The following IGF2BP2 variants were observed in gnomAD, a reference collection of about 807,000 sequenced individuals.
IGF2BP2 encodes insulin-like growth factor 2 mRNA-binding protein 2.
In IGF2BP2, 17 loss-of-function variants were observed where a neutral mutation model predicts 75.8. The observed-to-expected ratio is 0.22, with a 90% CI of 0.15 to 0.34. The LOEUF (loss-of-function observed/expected upper bound fraction) is 0.34, where lower values mean the gene tolerates loss of function less well. Among genes scored for constraint, IGF2BP2 ranks in the 10% least tolerant of loss-of-function variants. The pLI, the probability that IGF2BP2 is intolerant of heterozygous loss-of-function variation, is 1.00. For missense variants in IGF2BP2, 516 were observed against 772.4 expected (o/e 0.67, Z 3.93); for synonymous variants, 288 against 295.6 (o/e 0.97, Z 0.26).
At position 185,660,258 on chromosome 3, in the gene IGF2BP2, C is replaced by A. The variant is rs16860172; in HGVS notation, c.1201-1849G>T. ...CCACAGGCCCACCCTGCAAGATAGT[C>A]CTCCAGGAAGACGATTCCAACAGTG... On this transcript the variant is annotated intron_variant, in intron 10 of 15. Transcript: ENST00000382199. Among the ~76,000 whole-genome samples the A allele has an allele frequency of 3.8e-3, 578 of 152,290 alleles. 2 individuals are homozygous for A. Among genetic ancestry groups the A allele is most frequent in the African/African-American group, 0.013 (551 of 41,562 alleles).
intron 6 of IGF2BP2, 135 bp from the exon 7 acceptor site, chr3:185,687,326 A>C: frequency 1.2e-6 from 1 of 853,646 alleles, no homozygotes; most frequent in Non-Finnish European, 1.7e-6. Flanking sequence ...GTTTGCAATC[A>C]GTGCCATTCT....
At chr3:185,775,402 A>G (rs1488158214) in intron 2 of IGF2BP2, among the ~76,000 whole-genome samples, 1 of 152,236 alleles carries the variant, frequency 6.6e-6, no homozygotes, top group African/African-American at 2.4e-5. Context: ...CAGAAGCCGC[A>G]ATCTGGACCC....
At chr3:185,769,522 A>C (rs1253301658) in intron 2 of IGF2BP2, among the ~76,000 whole-genome samples, 1 of 152,128 alleles carries the variant, frequency 6.6e-6, no homozygotes, top group East Asian at 1.9e-4. Flanking sequence ...CATTTTACAG[A>C]CAGAGAAATC....
At chr3:185,669,843 G>A (rs1244683908) in intron 10 of IGF2BP2, among the ~76,000 whole-genome samples, 1 of 152,190 alleles carries the variant, frequency 6.6e-6, no homozygotes, top group Non-Finnish European at 1.5e-5. Context: ...GTTCTCAGGA[G>A]TCCTGGGCCC....
rs137875164 is a variant in IGF2BP2, at chr3:185,672,993, T to G, written c.1072-324A>C. Among the ~76,000 whole-genome samples the G allele has an allele frequency of 8.6e-3, 1,317 of 152,348 alleles. 12 individuals carry two copies. The highest frequency in any genetic ancestry group is 0.017 in the Middle Eastern group (5 of 294). ...GCCAGTCCTGTTTCCTAAATACCTC[T>G]GAGCCCCTTCACATGCTATTTATTT... On this transcript the variant is annotated intron_variant, in intron 9 of 15. Transcript: ENST00000382199.
At chr3:185,677,775 G>A (rs1041529827) in intron 7 of IGF2BP2, among the ~76,000 whole-genome samples, 1 of 152,072 alleles carries the variant, frequency 6.6e-6, no homozygotes, top group Non-Finnish European at 1.5e-5. Context: ...GAAACTATAA[G>A]AAAGAACCTA....
chr3:185,661,278 A>G (rs1483153764), intron 10 of IGF2BP2, among the ~76,000 whole-genome samples: 2 of 152,160 alleles, frequency 1.3e-5, no homozygotes, highest in Admixed American at 6.5e-5. Context: ...CTTATCCACA[A>G]ACAGACTCAA....
intron 2 of IGF2BP2, among the ~76,000 whole-genome samples, chr3:185,711,537 C>T (rs1430159689): frequency 1.3e-5 from 2 of 152,212 alleles, no homozygotes; most frequent in African/African-American, 4.8e-5. Flanking sequence ...GTTTTCATCG[C>T]TTCCTCTCAA....
chr3:185,695,559 T>A (rs1223746840), intron 4 of IGF2BP2, among the ~76,000 whole-genome samples: 1 of 152,184 alleles, frequency 6.6e-6, no homozygotes, highest in Non-Finnish European at 1.5e-5. Context: ...CTTTATCATG[T>A]ATTATTGCCT....
chr3:185,726,877 G>A (rs1478951587), intron 2 of IGF2BP2, among the ~76,000 whole-genome samples: 2 of 152,122 alleles, frequency 1.3e-5, no homozygotes, highest in Non-Finnish European at 2.9e-5. Context: ...TACCAAGGGG[G>A]TTGTGGGAAA....
At chr3:185,653,089 A>G (rs551917386) in intron 12 of IGF2BP2, among the ~76,000 whole-genome samples, 1 of 152,256 alleles carries the variant, frequency 6.6e-6, no homozygotes, top group Admixed American at 6.5e-5. Context: ...TTGGCCTTCC[A>G]AAGTGCTGGG....
In IGF2BP2 at chr3:185,658,467, C is replaced by T. The variant is rs529642357; in HGVS notation, c.1201-58G>A. The T allele has an allele frequency of 2.2e-5, 32 of 1,455,268 alleles. No homozygotes were observed. The East Asian group carries it at 6.9e-4, about 31-fold the overall frequency. The allele number at this position is 1,455,268 out of a possible 1,614,324, so 90.1% of individuals were successfully genotyped here. A position where few individuals can be genotyped will look rare whatever the true frequency, so the allele number is the denominator to read the frequency against. Reference sequence around the variant, plus strand: ...TGCTCTCAGGGACTGTCACTGGCCTCAGGGAGGCCAGATTCCCAACATGCG... The same window carrying T: ...TGCTCTCAGGGACTGTCACTGGCCTTAGGGAGGCCAGATTCCCAACATGCG... On this transcript the variant is annotated intron_variant, in intron 10 of 15. Transcript: ENST00000382199.
chr3:185,706,392 G>T (rs1238146143), intron 2 of IGF2BP2, among the ~76,000 whole-genome samples: 2 of 152,114 alleles, frequency 1.3e-5, no homozygotes, highest in Non-Finnish European at 2.9e-5. Flanking sequence ...ACCGAGTACC[G>T]AGTGAGACCC....
chr3:185,685,770 T>C (rs962004261), intron 7 of IGF2BP2, among the ~76,000 whole-genome samples: 7 of 152,180 alleles, frequency 4.6e-5, no homozygotes, highest in African/African-American at 1.4e-4. Context: ...GCCTCCTGAG[T>C]AGCCGAGACT....
chr3:185,663,640 G>A (rs1334410019), intron 10 of IGF2BP2, among the ~76,000 whole-genome samples: 1 of 152,176 alleles, frequency 6.6e-6, no homozygotes, highest in Non-Finnish European at 1.5e-5. Context: ...GAGGAGTGAA[G>A]GGTGGGAAAG....
At chr3:185,769,830 CAAA>C (rs35418660) in intron 2 of IGF2BP2, among the ~76,000 whole-genome samples, 1,058 of 77,206 alleles carry the variant, frequency 0.014, 6 homozygotes, top group African/African-American at 0.047. Flanking sequence ...ACCCTGTCTC[CAAA>C]AAAAAAAAAA....
intron 7 of IGF2BP2, among the ~76,000 whole-genome samples, chr3:185,682,494 C>T (rs898351300): frequency 6.6e-6 from 1 of 152,138 alleles, no homozygotes; most frequent in Non-Finnish European, 1.5e-5. Flanking sequence ...TATAAATTAT[C>T]CGGTCTTTAG....
At chr3:185,765,956 C>A (rs562890059) in intron 2 of IGF2BP2, among the ~76,000 whole-genome samples, 12 of 152,272 alleles carry the variant, frequency 7.9e-5, no homozygotes, top group Admixed American at 2.6e-4. Flanking sequence ...AGTTTGTGGG[C>A]ATGGGTATGG....
chr3:185,667,559 G>T (rs1480293597), intron 10 of IGF2BP2, among the ~76,000 whole-genome samples: 4 of 152,142 alleles, frequency 2.6e-5, no homozygotes, highest in African/African-American at 7.2e-5. Context: ...TTAGCATGAC[G>T]TCAAAGGTCA....
Sources: allele counts gnomAD v4.1 joint callset (sites outside exome capture counted in the v4.1 genomes callset), GRCh38; gene constraint gnomAD v4.1.1; transcripts MANE v1.5; gene names NCBI Gene and HGNC (gene_info 2026-07-23, HGNC 2026-07-21).